Variants in RDX observed in about 807,000 individuals in gnomAD.
RDX encodes deafness, autosomal recessive 24.
RDX carries 32 observed loss-of-function variants against 83.7 expected under a neutral mutation model. That is an observed-to-expected ratio of 0.38 (90% CI 0.29 to 0.51). The LOEUF (loss-of-function observed/expected upper bound fraction) is 0.51, where lower values mean the gene tolerates loss of function less well. RDX is among the 20% of genes least tolerant of loss of function. The pLI is 0.87. For synonymous variants in RDX, 229 were observed against 222.7 expected (o/e 1.03, Z -0.25); for missense variants, 600 against 689.9 (o/e 0.87, Z 1.46).
At chr11:110,222,283 C>T (rs575004607) in intron 14 of RDX, among the ~76,000 whole-genome samples, 1 of 152,264 alleles carries the variant, frequency 6.6e-6, no homozygotes, top group African/African-American at 2.4e-5. Flanking sequence ...ATACCTTAAC[C>T]TCCTGTAAAG....
intron 10 of RDX, among the ~76,000 whole-genome samples, chr11:110,244,110 T>A (rs1865207652): frequency 1.3e-5 from 2 of 151,976 alleles, no homozygotes; most frequent in South Asian, 2.1e-4. Flanking sequence ...ATAAAAAACA[T>A]CAGATTTCAA....
Position 110,255,356 on chromosome 11 carries a change from C to T in RDX, c.728G>A (p.Ser243Asn). Residue 243 changes from serine (S) to asparagine (N), a missense_variant, in exon 8 of 14, where the codon AGT becomes AAT. Physicochemically the swap from Ser to Asn is conservative, Grantham distance 46. Coordinates refer to ENST00000645495, the MANE Select transcript of RDX (RefSeq NM_002906.4). ...KLTPKIGFPW[S>N]EIRNISFNDK... Reference sequence around the variant, plus strand: ...ATTAAATGAAATATTTCTGATTTCACTCCAGGGAAAACCAATTTTAGGTGT... The same window carrying T: ...ATTAAATGAAATATTTCTGATTTCATTCCAGGGAAAACCAATTTTAGGTGT... 1 of 1,592,866 alleles carries T rather than the reference C, an allele frequency of 6.3e-7. No homozygotes were observed. Among genetic ancestry groups the T allele is most frequent in the Non-Finnish European group, 8.6e-7 (1 of 1,161,142 alleles).
At chr11:110,255,524 T>C (rs992068073) in intron 7 of RDX, 139 bp from the exon 8 acceptor site, 3 of 630,508 alleles carry the variant, frequency 4.8e-6, no homozygotes, top group Non-Finnish European at 8.7e-6. Flanking sequence ...TAACTACAGT[T>C]GACCTTATCT....
intron 2 of RDX, among the ~76,000 whole-genome samples, chr11:110,278,766 T>C (rs1012561209): frequency 6.6e-6 from 1 of 152,014 alleles, no homozygotes; most frequent in African/African-American, 2.4e-5. Flanking sequence ...GCTGAGTCTT[T>C]AAGTCATTCT....
intron 14 of RDX, among the ~76,000 whole-genome samples, chr11:110,212,177 C>T (rs1387408674): frequency 6.6e-6 from 1 of 151,170 alleles, no homozygotes; most frequent in Non-Finnish European, 1.5e-5. Context: ...CACAGAAATA[C>T]AAACTACCAT....
intron 15 of RDX, among the ~76,000 whole-genome samples, chr11:110,193,109 A>G (rs1036322929): frequency 6.6e-6 from 1 of 152,230 alleles, no homozygotes; most frequent in Non-Finnish European, 1.5e-5. Flanking sequence ...AAGATACGGA[A>G]TCAACCTAGG....
At chr11:110,175,499 T>C (rs1007887734) in intron 15 of RDX, among the ~76,000 whole-genome samples, 1 of 152,150 alleles carries the variant, frequency 6.6e-6, no homozygotes, top group African/African-American at 2.4e-5. Flanking sequence ...GAGAACTCAG[T>C]GAGGAAGAGA....
rs547487792 is a variant in RDX, at chr11:110,219,426, G to A, written c.1748+12447C>T. Among the ~76,000 whole-genome samples, 3 of 152,324 alleles carry A rather than the reference G, an allele frequency of 2.0e-5. No homozygotes were observed. In the South Asian group the frequency reaches 6.2e-4, roughly 32 times the overall value. ...CCTCCGAAGGATTTTGAGCACAAGT[G>A]ACATGGTCTGACTTACCTGTTGTAA... On this transcript the variant is annotated intron_variant, in intron 14 of 15. Coordinates refer to the RDX transcript ENST00000528498.
Position 110,237,511 on chromosome 11 carries a change from A to G in RDX, c.1232T>C (p.Met411Thr). The G allele has an allele frequency of 6.2e-7, 1 of 1,612,614 alleles. No homozygotes were observed. The highest frequency in any genetic ancestry group is 2.2e-5 in the East Asian group (1 of 44,884). ...SAIAKQAADQ[M>T]KNQEQLAAEL... ...CCTTACTAGCTGCTCCTGATTCTTC[A>G]TCTGGTCGGCAGCTTGTTTTGCTAT... is the stretch of plus-strand genomic sequence containing the variant. The change falls in exon 11 of 14, where the codon ATG becomes ACG. Residue 411 changes from methionine to threonine, a missense_variant. Physicochemically the swap from Met to Thr is moderately conservative, Grantham distance 81 (BLOSUM62 -1). Coordinates refer to ENST00000645495, the MANE Select transcript of RDX (RefSeq NM_002906.4).
chr11:110,219,910 A>G (rs1864187426), intron 14 of RDX, among the ~76,000 whole-genome samples: 1 of 152,238 alleles, frequency 6.6e-6, no homozygotes, highest in Non-Finnish European at 1.5e-5. Context: ...GACACTGGAT[A>G]AGGTCACTAA....
In RDX at chr11:110,257,929, T is replaced by C; in HGVS notation, c.552-16A>G. ...AGAATCCTCCCTGTTGAAATAAAACTAAATGTAATATATTTAAGTAGGAGC... is the reference window on the plus strand; with the variant it reads ...AGAATCCTCCCTGTTGAAATAAAACCAAATGTAATATATTTAAGTAGGAGC... On this transcript the variant is annotated splice_polypyrimidine_tract_variant and intron_variant, in intron 6 of 13. Transcript: ENST00000645495. 1 of 1,608,096 alleles carries C rather than the reference T, an allele frequency of 6.2e-7. No homozygotes were observed. The highest frequency in any genetic ancestry group is 8.5e-7 in the Non-Finnish European group (1 of 1,175,104).
chr11:110,290,349 C>G (rs191209894), intron 1 of RDX, among the ~76,000 whole-genome samples: 36 of 151,928 alleles, frequency 2.4e-4, no homozygotes, highest in Admixed American at 1.6e-3. Context: ...GACCCCGTGT[C>G]TACAAAAAAT....
intron 10 of RDX, among the ~76,000 whole-genome samples, chr11:110,243,866 A>G (rs779122628): frequency 3.3e-5 from 5 of 152,230 alleles, no homozygotes; most frequent in Admixed American, 2.0e-4. Flanking sequence ...ACAAACATTA[A>G]CAAGTATTGG....
At chr11:110,215,118 T>C (rs1219115169) in intron 14 of RDX, among the ~76,000 whole-genome samples, 1 of 149,764 alleles carries the variant, frequency 6.7e-6, no homozygotes, top group African/African-American at 2.4e-5. Context: ...CCCAGCACTT[T>C]GGAAGGCCGA....
chr11:110,217,392 TATG>T (rs1299180193), intron 14 of RDX, among the ~76,000 whole-genome samples: 3 of 152,222 alleles, frequency 2.0e-5, no homozygotes, highest in Non-Finnish European at 4.4e-5. Flanking sequence ...ACTTGGCTAC[TATG>T]ATATTCTGAA....
chr11:110,285,394 T>C (rs1257732408), intron 1 of RDX, among the ~76,000 whole-genome samples: 4 of 149,790 alleles, frequency 2.7e-5, no homozygotes, highest in Non-Finnish European at 4.4e-5. Flanking sequence ...CAAAAGAAAA[T>C]AAAAGAGAAT....
At chr11:110,204,706 G>A (rs942451534) in intron 14 of RDX, among the ~76,000 whole-genome samples, 2 of 151,810 alleles carry the variant, frequency 1.3e-5, no homozygotes, top group Non-Finnish European at 2.9e-5. Flanking sequence ...TAGTAGAGAC[G>A]GGGCTTTACC....
At chr11:110,233,130 G>A in intron 13 of RDX, 107 bp downstream of exon 13, 1 of 1,368,510 alleles carries the variant, frequency 7.3e-7, no homozygotes, top group Non-Finnish European at 1.0e-6. Context: ...CCAATCACAA[G>A]GGCAGCCAGT....
Position 110,231,568 on chromosome 11 carries a change from T to C in RDX, c.*301A>G. 2.5e-6 allele frequency: 1 copy of C among 399,084 alleles called. No homozygotes were observed. The highest frequency in any genetic ancestry group is 3.6e-5 in the Admixed American group (1 of 27,472). The allele number at this position is 399,084 out of a possible 1,614,324, so 24.7% of individuals were successfully genotyped here. A position where few individuals can be genotyped will look rare whatever the true frequency, so the allele number is the denominator to read the frequency against. On this transcript the variant is annotated 3_prime_UTR_variant, in exon 14 of 14. Transcript: ENST00000645495. ...AACTGAAACCACACATACACATTTG[T>C]CAGACGTGATAATTAGTGTTAATCT...
Sources: gnomAD v4.1 joint callset for allele counts (sites outside exome capture counted in the v4.1 genomes callset) on GRCh38, gnomAD v4.1.1 for gene constraint, MANE v1.5 for transcripts, NCBI Gene and HGNC (gene_info 2026-07-23, HGNC 2026-07-21) for gene names.